Variants in GAB2 observed in about 807,000 individuals in gnomAD.
GAB2 encodes GRB2 associated binding protein 2.
A neutral mutation model predicts 65.5 loss-of-function variants in GAB2; 26 were observed. That is an observed-to-expected ratio of 0.40 (90% confidence interval 0.29 to 0.55). The LOEUF (loss-of-function observed/expected upper bound fraction) is 0.55. GAB2 is among the 20% of genes least tolerant of loss of function. GAB2 has a pLI of 0.53. For synonymous variants in GAB2, 321 were observed against 329.6 expected, an observed-to-expected ratio of 0.97 and a Z score of 0.28; for missense variants, 884 against 875.8, an observed-to-expected ratio of 1.01 and a Z score of -0.12.
intron 2 of GAB2, among the ~76,000 whole-genome samples, chr11:78,274,153 T>G (rs1866099065): frequency 6.6e-6 from 1 of 152,166 alleles, no homozygotes. Flanking sequence ...TGCACACCTG[T>G]AGTCCCAGTT....
In GAB2 at chr11:78,230,560, A is replaced by G. The variant is rs557897199; in HGVS notation, c.621-3509T>C. ...TTATTCTGCCTTATGTCAGTTATTC[A>G]GGTCTGTGTCTTTCCACTTCTACCA... On this transcript the variant is annotated intron_variant, in intron 3 of 9. Transcript: ENST00000361507. 3.9e-4 allele frequency among the ~76,000 whole-genome samples: 60 copies of G among 152,368 alleles called. No homozygotes were observed. The South Asian group carries it at 0.012, about 29-fold the overall frequency.
At chr11:78,258,540 T>C (rs1865654104) in intron 2 of GAB2, among the ~76,000 whole-genome samples, 1 of 152,132 alleles carries the variant, frequency 6.6e-6, no homozygotes, top group African/African-American at 2.4e-5. Flanking sequence ...AACATGTATT[T>C]AAAAGTTTTC....
rs556676482 is a variant in GAB2 at position 78,417,694 on chromosome 11, G to A, written c.27C>T (p.Cys9=). 5.1e-6 allele frequency: 7 copies of A among 1,367,402 alleles called. No individual in the cohort carries two copies. The highest frequency in any genetic ancestry group is 4.1e-5 in the South Asian group (3 of 72,774). 84.7% of individuals were successfully genotyped at this position (1,367,402 alleles called of 1,614,324 possible). MSGGGDVV[C]TGWLRKSPPE... ...GAGGCGATTTCCTCAGCCAGCCGGT[G>A]CACACCACGTCGCCGCCGCCGCTCA... Residue 9 remains cysteine, a synonymous_variant, in exon 1 of 10, where the codon TGC becomes TGT. Transcript: ENST00000361507.
At position 78,222,493 on chromosome 11, in the gene GAB2, T is replaced by C. The variant is rs555888302; in HGVS notation, c.1568-298A>G. On this transcript the variant is annotated intron_variant, in intron 6 of 9. Coordinates refer to ENST00000361507, the MANE Select transcript of GAB2 (RefSeq NM_080491.3). ...AGATTTTTCTCCCTCAATTTATGAC[T>C]TCATTTAAAAATAAAAGACTATATA... 1.0e-3 allele frequency among the ~76,000 whole-genome samples: 154 copies of C among 149,978 alleles called. 2 individuals carry two copies. The South Asian group carries it at 0.031, about 30-fold the overall frequency.
chr11:78,236,413 A>C (rs148917000), intron 3 of GAB2, among the ~76,000 whole-genome samples: 7 of 152,178 alleles, frequency 4.6e-5, no homozygotes, highest in African/African-American at 1.7e-4. Flanking sequence ...AGCATCCTAA[A>C]GTGCTGGGAT....
intron 1 of GAB2, among the ~76,000 whole-genome samples, chr11:78,359,141 C>A (rs1856400524): frequency 6.6e-6 from 1 of 152,136 alleles, no homozygotes; most frequent in Non-Finnish European, 1.5e-5. Flanking sequence ...AATCTTGTAA[C>A]TGAAGTTCAA....
chr11:78,333,266 TTTTA>T (rs961712268), intron 1 of GAB2, among the ~76,000 whole-genome samples: 1 of 152,156 alleles, frequency 6.6e-6, no homozygotes, highest in Non-Finnish European at 1.5e-5. Context: ...TGGTGACTTT[TTTTA>T]TTTTTTATTT....
chr11:78,311,674 T>C (rs1490944588), intron 1 of GAB2, among the ~76,000 whole-genome samples: 3 of 152,218 alleles, frequency 2.0e-5, no homozygotes, highest in Non-Finnish European at 4.4e-5. Context: ...CTGCTTATTA[T>C]ATTGCTTTTA....
At chr11:78,351,315 T>C (rs1463311020) in intron 1 of GAB2, among the ~76,000 whole-genome samples, 1 of 151,854 alleles carries the variant, frequency 6.6e-6, no homozygotes, top group Non-Finnish European at 1.5e-5. Flanking sequence ...TATAGAAGCA[T>C]AACATAGAAG....
intron 1 of GAB2, among the ~76,000 whole-genome samples, chr11:78,385,315 G>T (rs542747909): frequency 9.3e-4 from 141 of 152,330 alleles, no homozygotes; most frequent in African/African-American, 3.4e-3. Context: ...TGTCAGGACT[G>T]TGGGAAAATC....
At chr11:78,361,934 T>C (rs1239626984) in intron 1 of GAB2, among the ~76,000 whole-genome samples, 1 of 152,154 alleles carries the variant, frequency 6.6e-6, no homozygotes, top group African/African-American at 2.4e-5. Flanking sequence ...AAGAGTAATA[T>C]TGAAAACAAT....
At chr11:78,231,336 G>GGTGTGTGGTGTGTGT (rs1554975136) in intron 3 of GAB2, among the ~76,000 whole-genome samples, 1 of 145,796 alleles carries the variant, frequency 6.9e-6, no homozygotes, top group Non-Finnish European at 1.5e-5. Flanking sequence ...GCGCGTGTGT[G>GGTGTGTGGTGTGTGT]GTGTGTGTGT....
intron 1 of GAB2, among the ~76,000 whole-genome samples, chr11:78,397,561 A>G (rs994002659): frequency 6.6e-6 from 1 of 152,222 alleles, no homozygotes; most frequent in Non-Finnish European, 1.5e-5. Context: ...CTAAGAACAT[A>G]TGAGGAAATG....
intron 2 of GAB2, among the ~76,000 whole-genome samples, chr11:78,264,669 A>G (rs1395945766): frequency 3.3e-5 from 5 of 152,032 alleles, no homozygotes. Flanking sequence ...TGGCCTCCCA[A>G]AGTGTTGGGA....
At chr11:78,311,942 C>A (rs1450534244) in intron 1 of GAB2, among the ~76,000 whole-genome samples, 2 of 152,134 alleles carry the variant, frequency 1.3e-5, no homozygotes, top group Non-Finnish European at 2.9e-5. Flanking sequence ...GTTCTACCGA[C>A]AATTTTACCT....
intron 1 of GAB2, among the ~76,000 whole-genome samples, chr11:78,414,656 T>C (rs1315438832): frequency 6.6e-6 from 1 of 152,200 alleles, no homozygotes; most frequent in African/African-American, 2.4e-5. Context: ...CATATCAGGA[T>C]GCCCCAGAGG....
At chr11:78,377,553 A>C (rs59093183) in intron 1 of GAB2, among the ~76,000 whole-genome samples, 57 of 152,286 alleles carry the variant, frequency 3.7e-4, no homozygotes, top group African/African-American at 1.3e-3. Flanking sequence ...CGGCATGTTG[A>C]CCAGGCAAGT....
intron 3 of GAB2, among the ~76,000 whole-genome samples, chr11:78,244,323 C>T (rs888734986): frequency 1.8e-4 from 28 of 151,608 alleles, no homozygotes; most frequent in African/African-American, 6.8e-4. Context: ...CCCTGGGAGG[C>T]AGAAGTTGCA....
chr11:78,390,438 A>G (rs145881008), intron 1 of GAB2, among the ~76,000 whole-genome samples: 1 of 152,134 alleles, frequency 6.6e-6, no homozygotes, highest in African/African-American at 2.4e-5. Flanking sequence ...AGAAAATAAA[A>G]ATTAGCTGAG....
Sources: gnomAD v4.1 joint callset for allele counts (sites outside exome capture counted in the v4.1 genomes callset) on GRCh38, gnomAD v4.1.1 for gene constraint, MANE v1.5 for transcripts, NCBI Gene and HGNC (gene_info 2026-07-23, HGNC 2026-07-21) for gene names.